Variants in ABI3 observed in about 807,000 individuals in gnomAD.
ABI3 encodes the protein ABI family member 3.
Under a neutral mutation model 37.0 loss-of-function variants are expected in ABI3, and 24 were observed. The observed-to-expected ratio is 0.65, with a 90% CI of 0.47 to 0.91. The LOEUF (loss-of-function observed/expected upper bound fraction) is 0.91. Among genes scored for constraint, ABI3 ranks in the 40% least tolerant of loss-of-function variants. The probability of loss-of-function intolerance (pLI) is 0.00; values close to 1 mark genes in which losing one functional copy is unlikely to be tolerated. For synonymous variants in ABI3, 220 were observed against 211.8 expected (o/e 1.04, Z -0.34); for missense variants, 481 against 485.1 (o/e 0.99, Z 0.08).
At chr17:49,213,590 C>T (rs185220931) in intron 1 of ABI3, among the ~76,000 whole-genome samples, 5 of 152,276 alleles carry the variant, frequency 3.3e-5, no homozygotes, top group South Asian at 2.1e-4. Flanking sequence ...TTTACAGACA[C>T]GGTAATTTGC....
rs770461624 is a variant in ABI3 at position 49,222,632 on chromosome 17, C to T, written c.1018C>T (p.Arg340Cys). ...SEGTVICVTR[R>C]YSDGWCEGVS... ...GGGCACTGTCATCTGTGTCACTCGC[C>T]GCTACTCCGATGGCTGGTGCGAGGG... is the stretch of plus-strand genomic sequence containing the variant. The change falls in exon 8 of 8, where the codon CGC becomes TGC. Residue 340 changes from arginine to cysteine, a missense_variant. Coordinates refer to ENST00000225941, the MANE Select transcript of ABI3 (RefSeq NM_016428.3). 11 of 1,613,786 alleles carry T rather than the reference C, an allele frequency of 6.8e-6. No individual in the cohort carries two copies. The highest frequency in any genetic ancestry group is 6.8e-6 in the Non-Finnish European group (8 of 1,179,996).
chr17:49,221,508 G>T (rs1316450193), intron 6 of ABI3, among the ~76,000 whole-genome samples: 1 of 152,008 alleles, frequency 6.6e-6, no homozygotes, highest in African/African-American at 2.4e-5. Context: ...ATCCTGAGAG[G>T]GTCTTTACCA....
At chr17:49,211,143 G>A (rs2043162567) in intron 1 of ABI3, among the ~76,000 whole-genome samples, 1 of 152,202 alleles carries the variant, frequency 6.6e-6, no homozygotes, top group Admixed American at 6.5e-5. Context: ...GTTCCCACGG[G>A]TCAATCCAGA....
At chr17:49,212,619 T>G (rs970013113) in intron 1 of ABI3, among the ~76,000 whole-genome samples, 1 of 152,192 alleles carries the variant, frequency 6.6e-6, no homozygotes, top group Non-Finnish European at 1.5e-5. Flanking sequence ...CATCCTCATC[T>G]GAAGTCCGGT....
rs909344263 is a variant in ABI3, at chr17:49,219,332, G to T, written c.463-208G>T. 2.6e-5 allele frequency among the ~76,000 whole-genome samples: 4 copies of T among 152,046 alleles called. No individual in the cohort carries two copies. The highest frequency in any genetic ancestry group is 9.7e-5 in the African/African-American group (4 of 41,382). Reference sequence around the variant, plus strand: ...GCAGAGGAAGTGGCTGTGGGCTTTGGTAGAACTGAGTCCCAGAACCCAGGC... The same window carrying T: ...GCAGAGGAAGTGGCTGTGGGCTTTGTTAGAACTGAGTCCCAGAACCCAGGC... On this transcript the variant is annotated intron_variant, in intron 3 of 7. Transcript: ENST00000225941. The surrounding 1 kb of genome is among the most constrained non-coding windows in gnomAD (Gnocchi z 4.3).
chr17:49,213,754 A>G (rs548114461), intron 1 of ABI3, among the ~76,000 whole-genome samples: 3 of 152,354 alleles, frequency 2.0e-5, no homozygotes, highest in East Asian at 1.9e-4. Context: ...GTTTGGGCCA[A>G]CAATTCCACA....
At position 49,217,768 on chromosome 17, in the gene ABI3, C is replaced by T. The variant is rs145273532; in HGVS notation, c.315C>T (p.Ala105=). The stretch of plus-strand genomic sequence containing the variant: ...TGAACATGCATATGGAGAAGGTGGC[C>T]CGAAGGGAGATCGGCACCTTAGCCA... ...QMVNMHMEKV[A]RREIGTLATV... Residue 105 remains alanine (A), a synonymous_variant, in exon 3 of 8, where the codon GCC becomes GCT. Transcript: ENST00000225941. The T allele has an allele frequency of 6.8e-5, 109 of 1,610,734 alleles. No homozygotes were observed. The highest frequency in any genetic ancestry group is 8.3e-5 in the Non-Finnish European group (98 of 1,178,580).
chr17:49,220,383 A>G, intron 6 of ABI3, 57 bp downstream of exon 6: 11 of 1,516,758 alleles, frequency 7.3e-6, no homozygotes, highest in Non-Finnish European at 9.8e-6. Context: ...GCCTCCTGCC[A>G]CTCCCCAGCC....
rs139297199 is a variant in ABI3, at chr17:49,217,823, G to A, written c.370G>A (p.Val124Ile). 4.3e-6 allele frequency: 7 copies of A among 1,610,848 alleles called. No homozygotes were observed. In the African/African-American group the frequency reaches 9.4e-5, roughly 22 times the overall value. ...TVQRLPPGQK[V>I]IAPENLPPLT... ...CCAGCGGCTGCCCCCCGGCCAGAAG[G>A]TCATCGCCCCAGAGAACCTACCCCC... The change falls in exon 3 of 8, where the codon GTC becomes ATC. Residue 124 changes from valine to isoleucine, a missense_variant. By Grantham distance (29) the Val-to-Ile change is conservative. Coordinates refer to ENST00000225941, the MANE Select transcript of ABI3 (RefSeq NM_016428.3).
In ABI3 at chr17:49,221,192, C is replaced by T. The variant is rs111332727; in HGVS notation, c.802+866C>T. 1.5e-3 allele frequency among the ~76,000 whole-genome samples: 220 copies of T among 150,304 alleles called. 2 individuals carry two copies. The highest frequency in any genetic ancestry group is 5.1e-3 in the African/African-American group (207 of 40,806). ...CCTCTCAAAAAAATAAAATAAAGGCCGGGTGTGGTGGCTCACGCCTGTAAT... is the reference window on the plus strand; with the variant it reads ...CCTCTCAAAAAAATAAAATAAAGGCTGGGTGTGGTGGCTCACGCCTGTAAT... On this transcript the variant is annotated intron_variant, in intron 6 of 7. Transcript: ENST00000225941.
At chr17:49,221,303 T>A (rs1163307492) in intron 6 of ABI3, among the ~76,000 whole-genome samples, 2 of 149,538 alleles carry the variant, frequency 1.3e-5, no homozygotes, top group Non-Finnish European at 3.0e-5. Context: ...ACCCTGTCTC[T>A]ACTAAAAATA....
chr17:49,210,740 C>G lies in ABI3; in HGVS notation c.16C>G (p.Gln6Glu). 1 of 1,556,158 alleles carries G rather than the reference C, an allele frequency of 6.4e-7. No individual in the cohort carries two copies. Among genetic ancestry groups the G allele is most frequent in the Non-Finnish European group, 8.7e-7 (1 of 1,149,864 alleles). MAELQ[Q>E]LQEFEIPTGR... Reference sequence around the variant, plus strand: ...GCTGGGGGTGATGGCGGAGCTACAGCAGCTGCAGGAGTTTGAGATCCCCAC... The same window carrying G: ...GCTGGGGGTGATGGCGGAGCTACAGGAGCTGCAGGAGTTTGAGATCCCCAC... The change falls in exon 1 of 8, where the codon CAG becomes GAG. Residue 6 changes from glutamine (Q) to glutamate (E), a missense_variant. Transcript: ENST00000225941. This position sits in a 1 kb window ranked among gnomAD's most constrained non-coding sequence, Gnocchi z 4.2.
At chr17:49,220,131 G>A (rs1392312721) in intron 5 of ABI3, 38 bp from the exon 6 acceptor site, 3 of 1,610,896 alleles carry the variant, frequency 1.9e-6, no homozygotes, top group Non-Finnish European at 1.7e-6. Flanking sequence ...GCTGCATTAG[G>A]GAAGGCGTGT....
At position 49,212,759 on chromosome 17, in the gene ABI3, T is replaced by A. The variant is rs952163348; in HGVS notation, c.117+1918T>A. ...GCAGAAATCTGATTCCAGAGCCCACTCCCTATGCCACTAACTGAAAATGCT... is the reference window on the plus strand; with the variant it reads ...GCAGAAATCTGATTCCAGAGCCCACACCCTATGCCACTAACTGAAAATGCT... On this transcript the variant is annotated intron_variant, in intron 1 of 7. Coordinates refer to ENST00000225941, the MANE Select transcript of ABI3 (RefSeq NM_016428.3). 2.6e-5 allele frequency among the ~76,000 whole-genome samples: 4 copies of A among 152,236 alleles called. No individual in the cohort carries two copies. The East Asian group carries it at 7.7e-4, about 29-fold the overall frequency.
rs1294308042 is a variant in ABI3, at chr17:49,219,208, AAGTT to A, written c.463-329_463-326del. Among the ~76,000 whole-genome samples, 1 of 152,056 alleles carries A rather than the reference AAGTT, an allele frequency of 6.6e-6. No homozygotes were observed. Among genetic ancestry groups the A allele is most frequent in the African/African-American group, 2.4e-5 (1 of 41,392 alleles). On this transcript the variant is annotated intron_variant, in intron 3 of 7. Transcript: ENST00000225941. The surrounding 1 kb of genome is among the most constrained non-coding windows in gnomAD (Gnocchi z 4.3). ...CTCCGCCCCCTCCTCAGCCCGATCA[AAGTT>A]AGGGACCACCAAGCCAGGGCCCCAG...
intron 1 of ABI3, among the ~76,000 whole-genome samples, chr17:49,211,631 G>C (rs2043168355): frequency 6.6e-6 from 1 of 152,096 alleles, no homozygotes; most frequent in Non-Finnish European, 1.5e-5. Context: ...CTTGTCTAAG[G>C]CCACACAGCT....
At chr17:49,216,184 C>T (rs1051325764) in intron 1 of ABI3, among the ~76,000 whole-genome samples, 1 of 151,910 alleles carries the variant, frequency 6.6e-6, no homozygotes, top group Non-Finnish European at 1.5e-5. Flanking sequence ...CTATTCACCC[C>T]CACTCCAACC....
chr17:49,211,087 C>T (rs1347804358), intron 1 of ABI3, among the ~76,000 whole-genome samples: 1 of 152,126 alleles, frequency 6.6e-6, no homozygotes, highest in Non-Finnish European at 1.5e-5. Context: ...ACAGACAGTG[C>T]GATTCCATCC....
chr17:49,220,831 C>G (rs1396472753), intron 6 of ABI3, among the ~76,000 whole-genome samples: 2 of 139,690 alleles, frequency 1.4e-5, no homozygotes, highest in Non-Finnish European at 3.1e-5. Flanking sequence ...GCAACAAGAG[C>G]GAAACTCCAT....
Sources: allele counts gnomAD v4.1 joint callset (sites outside exome capture counted in the v4.1 genomes callset), GRCh38; gene constraint gnomAD v4.1.1; non-coding constraint Gnocchi (gnomAD v3.1); transcripts MANE v1.5; gene names NCBI Gene and HGNC (gene_info 2026-07-23, HGNC 2026-07-21).